The following CELSR1 variants were observed in gnomAD, a reference collection of about 807,000 sequenced individuals.
CELSR1 encodes the protein adhesion G protein-coupled receptor C1.
Under a neutral mutation model 249.1 loss-of-function variants are expected in CELSR1, and 110 were observed. The observed-to-expected ratio is 0.44, with a 90% CI of 0.38 to 0.52. The LOEUF is 0.52. Among genes scored for constraint, CELSR1 ranks in the 20% least tolerant of loss-of-function variants. The pLI, the probability that CELSR1 is intolerant of heterozygous loss-of-function variation, is 0.00. For synonymous variants in CELSR1, 2,113 were observed against 1,900.0 expected, an observed-to-expected ratio of 1.11 and a Z score of -2.92; for missense variants, 4,109 against 4,296.4, an observed-to-expected ratio of 0.96 and a Z score of 1.22.
At position 46,419,904 on chromosome 22, in the gene CELSR1, CATTT is replaced by C. The variant is rs564738607; in HGVS notation, c.4612-8149_4612-8146del. Among the ~76,000 whole-genome samples, 33 of 152,114 alleles carry C rather than the reference CATTT, an allele frequency of 2.2e-4. No homozygotes were observed. The South Asian group carries it at 6.7e-3, about 31-fold the overall frequency. On this transcript the variant is annotated intron_variant, in intron 5 of 34. Coordinates refer to ENST00000674500, the MANE Select transcript of CELSR1 (RefSeq NM_001378328.1). ...ACACGTGCCTTCTCACATTCATGTG[CATTT>C]ATTCATACGCTCACACGTACACTTA...
chr22:46,466,201 C>T (rs1037086422), intron 1 of CELSR1, among the ~76,000 whole-genome samples: 7 of 152,196 alleles, frequency 4.6e-5, no homozygotes, highest in African/African-American at 1.7e-4. Context: ...AGGCCTGAGG[C>T]AAAGGACATG....
At position 46,413,813 on chromosome 22, in the gene CELSR1, C is replaced by T. The variant is rs1042294294; in HGVS notation, c.4612-2054G>A. On this transcript the variant is annotated intron_variant, in intron 5 of 34. Transcript: ENST00000674500. This position sits in a 1 kb window ranked among gnomAD's most constrained non-coding sequence, Gnocchi z 4.7. ...ACGCGTGGAAGTGCCCATTATGGGA[C>T]GCTTAAATGTGAGATGCGATCCCAG... Among the ~76,000 whole-genome samples, 5 of 152,166 alleles carry T rather than the reference C, an allele frequency of 3.3e-5. No homozygotes were observed. Among genetic ancestry groups the T allele is most frequent in the East Asian group, 1.9e-4 (1 of 5,182 alleles).
At position 46,410,658 on chromosome 22, in the gene CELSR1, A is replaced by T; in HGVS notation, c.4770-97T>A. 3.9e-6 allele frequency: 5 copies of T among 1,281,518 alleles called. No individual in the cohort carries two copies. Among genetic ancestry groups the T allele is most frequent in the Non-Finnish European group, 4.4e-6 (4 of 914,142 alleles). 79.4% of individuals were successfully genotyped at this position (1,281,518 alleles called of 1,614,324 possible). Reference sequence around the variant, plus strand: ...TTGCCTCTGTGTAGCCTCTACCACCATAACTACTTCAGAAACCAAGCAGAC... The same window carrying T: ...TTGCCTCTGTGTAGCCTCTACCACCTTAACTACTTCAGAAACCAAGCAGAC... On this transcript the variant is annotated intron_variant, in intron 6 of 34. Coordinates refer to ENST00000674500, the MANE Select transcript of CELSR1 (RefSeq NM_001378328.1). This position sits in a 1 kb window ranked among gnomAD's most constrained non-coding sequence, Gnocchi z 6.8.
intron 1 of CELSR1, among the ~76,000 whole-genome samples, chr22:46,522,305 T>G (rs2080694330): frequency 6.6e-6 from 1 of 152,118 alleles, no homozygotes; most frequent in Admixed American, 6.5e-5. Flanking sequence ...TTTTTATATT[T>G]TGTATATTTT....
In CELSR1 at chr22:46,366,369, C is replaced by T. The variant is rs77823653; in HGVS notation, c.8300+17G>A. 0.087 allele frequency: 132,424 copies of T among 1,529,594 alleles called. 6,158 individuals are homozygous for T. Among genetic ancestry groups the T allele is most frequent in the African/African-American group, 0.099 (7,146 of 72,156 alleles). The allele number at this position is 1,529,594 out of a possible 1,614,324, so 94.8% of individuals were successfully genotyped here. Reference sequence around the variant, plus strand: ...AGTTCGAGAGCCACCTCCCCGAACCCGGAGCTGCGGCCTGACCTGACGATG... The same window carrying T: ...AGTTCGAGAGCCACCTCCCCGAACCTGGAGCTGCGGCCTGACCTGACGATG... On this transcript the variant is annotated intron_variant, in intron 30 of 34. Transcript: ENST00000674500.
intron 1 of CELSR1, among the ~76,000 whole-genome samples, chr22:46,530,156 TTA>T (rs2080777434): frequency 6.9e-6 from 1 of 144,010 alleles, no homozygotes; most frequent in Non-Finnish European, 1.5e-5. Flanking sequence ...TTACAAATAA[TTA>T]AAAAAAAAAT....
chr22:46,394,044 T>G, intron 14 of CELSR1, 98 bp downstream of exon 14: 1 of 1,479,100 alleles, frequency 6.8e-7, no homozygotes, highest in Non-Finnish European at 9.2e-7. Context: ...TGTGAGTGTG[T>G]ACCGACAGGG....
chr22:46,499,787 C>T (rs2080448706), intron 1 of CELSR1, among the ~76,000 whole-genome samples: 1 of 152,174 alleles, frequency 6.6e-6, no homozygotes. Context: ...TCTCGTCCCT[C>T]AGAACCCCAA....
Position 46,396,653 on chromosome 22 carries a change from T to C in CELSR1, c.5795A>G (p.Tyr1932Cys). Residue 1932 changes from tyrosine to cysteine, a missense_variant, in exon 13 of 35, where the codon TAC (tyrosine) becomes TGC (cysteine). By Grantham distance (194) the Tyr-to-Cys change is radical. Transcript: ENST00000674500. The surrounding 1 kb of genome is among the most constrained non-coding windows in gnomAD (Gnocchi z 6.4). ...GTGACTGGGCCCACACTCGCACACG[T>C]AGCCCTGCGGGGAGCCGGGGGAGCG... ...CVRSPGSPQGYVCECGPSHYG... is the reference protein window; with the variant it reads ...CVRSPGSPQGCVCECGPSHYG... 3 of 1,611,588 alleles carry C rather than the reference T, an allele frequency of 1.9e-6. No homozygotes were observed. The highest frequency in any genetic ancestry group is 2.5e-6 in the Non-Finnish European group (3 of 1,178,872).
Position 46,436,967 on chromosome 22 carries a change from T to C in CELSR1, c.4407-678A>G, listed in dbSNP as rs142215662. On this transcript the variant is annotated intron_variant, in intron 3 of 34. Coordinates refer to ENST00000674500, the MANE Select transcript of CELSR1 (RefSeq NM_001378328.1). This position sits in a 1 kb window ranked among gnomAD's most constrained non-coding sequence, Gnocchi z 5.9. Reference sequence around the variant, plus strand: ...TTTCTGAAATCATGCTGCTGACTCATTGGTTTATAAGAATGTATGATCCAT... The same window carrying C: ...TTTCTGAAATCATGCTGCTGACTCACTGGTTTATAAGAATGTATGATCCAT... Among the ~76,000 whole-genome samples the C allele has an allele frequency of 1.7e-3, 253 of 152,302 alleles. 2 individuals carry two copies. The highest frequency in any genetic ancestry group is 5.3e-3 in the African/African-American group (220 of 41,558).
intron 1 of CELSR1, 46 bp downstream of exon 1, chr22:46,533,581 A>G (rs1281841695): frequency 2.6e-6 from 4 of 1,512,976 alleles, no homozygotes; most frequent in Non-Finnish European, 3.5e-6. Flanking sequence ...GAGGCTCTCC[A>G]GGAGGCCCAT....
rs934621159 is a variant in CELSR1, at chr22:46,473,117, G to A, written c.3545-8772C>T. 2.0e-5 allele frequency among the ~76,000 whole-genome samples: 3 copies of A among 152,262 alleles called. No individual in the cohort carries two copies. Among genetic ancestry groups the A allele is most frequent in the East Asian group, 1.9e-4 (1 of 5,172 alleles). ...ACTGCTGCCGGCCTCGTGGGCTCTCGGTGCAGGACGGCGGGGGTGGCTGAA... is the reference window on the plus strand; with the variant it reads ...ACTGCTGCCGGCCTCGTGGGCTCTCAGTGCAGGACGGCGGGGGTGGCTGAA... On this transcript the variant is annotated intron_variant, in intron 1 of 34. Coordinates refer to ENST00000674500, the MANE Select transcript of CELSR1 (RefSeq NM_001378328.1). The surrounding 1 kb of genome is among the most constrained non-coding windows in gnomAD (Gnocchi z 6.6).
intron 1 of CELSR1, among the ~76,000 whole-genome samples, chr22:46,475,659 T>TGC (rs1555926104): frequency 6.7e-6 from 1 of 149,722 alleles, no homozygotes; most frequent in Non-Finnish European, 1.5e-5. Context: ...AAGAAACGAA[T>TGC]GGGGGGGGAA....
chr22:46,432,450 G>C (rs1018218429), intron 5 of CELSR1, among the ~76,000 whole-genome samples: 1 of 152,208 alleles, frequency 6.6e-6, no homozygotes, highest in Non-Finnish European at 1.5e-5. Context: ...CGGGAAGCGG[G>C]GCACAGCGGG....
chr22:46,511,411 C>T (rs1017724343), intron 1 of CELSR1, among the ~76,000 whole-genome samples: 1 of 152,236 alleles, frequency 6.6e-6, no homozygotes, highest in South Asian at 2.1e-4. Flanking sequence ...CCAACCGGGA[C>T]CAACACGTGT....
intron 24 of CELSR1, among the ~76,000 whole-genome samples, chr22:46,373,770 C>T (rs2078887520): frequency 6.6e-6 from 1 of 150,466 alleles, no homozygotes; most frequent in Non-Finnish European, 1.5e-5. Flanking sequence ...ACCACCCTGA[C>T]CCCACCCCCA....
rs1031430733 is a variant in CELSR1 at position 46,500,390 on chromosome 22, G to A, written c.3544+33237C>T. ...CCATGGCGCAGAGATCACATTTACA[G>A]CGGTGGCGGTAACCATGGAAACTGG... On this transcript the variant is annotated intron_variant, in intron 1 of 34. Transcript: ENST00000674500. The surrounding 1 kb of genome is among the most constrained non-coding windows in gnomAD (Gnocchi z 4.9). 1.2e-4 allele frequency among the ~76,000 whole-genome samples: 18 copies of A among 152,210 alleles called. No homozygotes were observed. Among genetic ancestry groups the A allele is most frequent in the African/African-American group, 3.9e-4 (16 of 41,460 alleles).
chr22:46,369,685 C>T lies in CELSR1; in HGVS notation c.7872+7G>A, dbSNP rs1381369809. 7.4e-6 allele frequency: 12 copies of T among 1,612,424 alleles called. No individual in the cohort carries two copies. The highest frequency in any genetic ancestry group is 9.3e-6 in the Non-Finnish European group (11 of 1,179,056). Reference sequence around the variant, plus strand: ...CACCCGGACTCCCGTGAAGGCCCCACACTCACGATTATAACAGCTCCGATG... The same window carrying T: ...CACCCGGACTCCCGTGAAGGCCCCATACTCACGATTATAACAGCTCCGATG... On this transcript the variant is annotated splice_region_variant and intron_variant, in intron 26 of 34. Coordinates refer to ENST00000674500, the MANE Select transcript of CELSR1 (RefSeq NM_001378328.1).
At position 46,393,319 on chromosome 22, in the gene CELSR1, G is replaced by A. The variant is rs1032299130; in HGVS notation, c.5964+823C>T. 1.3e-5 allele frequency among the ~76,000 whole-genome samples: 2 copies of A among 152,240 alleles called. No individual in the cohort carries two copies. Among genetic ancestry groups the A allele is most frequent in the African/African-American group, 2.4e-5 (1 of 41,470 alleles). On this transcript the variant is annotated intron_variant, in intron 14 of 34. Coordinates refer to ENST00000674500, the MANE Select transcript of CELSR1 (RefSeq NM_001378328.1). This position sits in a 1 kb window ranked among gnomAD's most constrained non-coding sequence, Gnocchi z 4.1. ...AACGCGTGTGCATTTCTGGAGACAC[G>A]AGATGTGAGCTCCGTGCTGCATGCA...
Sources: allele counts gnomAD v4.1 joint callset (sites outside exome capture counted in the v4.1 genomes callset), GRCh38; gene constraint gnomAD v4.1.1; non-coding constraint Gnocchi (gnomAD v3.1); transcripts MANE v1.5; gene names NCBI Gene and HGNC (gene_info 2026-07-23, HGNC 2026-07-21).